The following NUDCD3 variants were observed in gnomAD, a reference collection of about 807,000 sequenced individuals.
NUDCD3 encodes the protein NudC domain containing 3.
In NUDCD3, 13 loss-of-function variants were observed where a neutral mutation model predicts 39.7. The ratio of observed to expected loss-of-function variants is 0.33; its 90% CI spans 0.21 to 0.52. The LOEUF (loss-of-function observed/expected upper bound fraction) is 0.52, where lower values mean the gene tolerates loss of function less well. Ranked by LOEUF, NUDCD3 falls within the 20% of genes least tolerant of loss-of-function variation. NUDCD3 has a pLI of 0.96. For missense variants in NUDCD3, 453 were observed against 458.1 expected, an observed-to-expected ratio of 0.99 and a Z score of 0.10; for synonymous variants, 175 against 172.4, an observed-to-expected ratio of 1.02 and a Z score of -0.12.
Position 44,445,569 on chromosome 7 carries a change from C to T in NUDCD3, c.510-17866G>A, listed in dbSNP as rs757940384. Among the ~76,000 whole-genome samples, 6 of 152,174 alleles carry T rather than the reference C, an allele frequency of 3.9e-5. 1 individual carries two copies. In the South Asian group the frequency reaches 6.2e-4, roughly 16 times the overall value. ...AGGTCTCTGCAGGTTGCTCCACATC[C>T]GCAATGACTGTTTTTGGTCTTTTTC... is the stretch of plus-strand genomic sequence containing the variant. On this transcript the variant is annotated intron_variant, in intron 2 of 5. Coordinates refer to ENST00000355451, the MANE Select transcript of NUDCD3 (RefSeq NM_015332.4).
intron 2 of NUDCD3, among the ~76,000 whole-genome samples, chr7:44,438,293 A>G (rs1247031646): frequency 6.6e-6 from 1 of 152,174 alleles, no homozygotes; most frequent in Admixed American, 6.5e-5. Context: ...GACCAGCTTT[A>G]CTATTTAAAT....
chr7:44,449,241 G>A (rs1799745886), intron 2 of NUDCD3, among the ~76,000 whole-genome samples: 2 of 152,322 alleles, frequency 1.3e-5, no homozygotes, highest in South Asian at 4.1e-4. Flanking sequence ...CGTTGGGGAG[G>A]AAGAGAATCA....
intron 4 of NUDCD3, 44 bp downstream of exon 4, chr7:44,404,396 T>C: frequency 1.3e-6 from 2 of 1,598,674 alleles, no homozygotes; most frequent in Non-Finnish European, 1.7e-6. Context: ...CACTGCAGGT[T>C]TGAAGTCCAC....
chr7:44,407,586 A>C (rs959264674), intron 3 of NUDCD3, among the ~76,000 whole-genome samples: 4 of 151,116 alleles, frequency 2.6e-5, no homozygotes, highest in Non-Finnish European at 5.9e-5. Context: ...AAAAAAAAAA[A>C]CTAGAGAACT....
At chr7:44,428,123 TAA>T (rs55642004) in intron 2 of NUDCD3, among the ~76,000 whole-genome samples, 24 of 76,098 alleles carry the variant, frequency 3.2e-4, no homozygotes, top group Non-Finnish European at 3.8e-4. Flanking sequence ...GGTCAATCTT[TAA>T]AAAAAAAAAA....
chr7:44,412,930 AAAAAAAAAAAAAG>A (rs1370629741), intron 3 of NUDCD3, among the ~76,000 whole-genome samples: 1 of 146,362 alleles, frequency 6.8e-6, no homozygotes, highest in African/African-American at 2.6e-5. Context: ...CCGTCTCAAA[AAAAAAAAAAAAAG>A]AAAAAAAAAA....
Position 44,392,450 on chromosome 7 carries a change from G to T in NUDCD3, c.822C>A (p.Asn274Lys), listed in dbSNP as rs562538702. The T allele has an allele frequency of 1.5e-5, 25 of 1,614,122 alleles. No homozygotes were observed. Among genetic ancestry groups the T allele is most frequent in the South Asian group, 8.8e-5 (8 of 91,074 alleles). The change falls in exon 5 of 6, where the codon AAC becomes AAA. Residue 274 changes from asparagine (N) to lysine (K), a missense_variant. Asn to Lys is a moderately conservative substitution (Grantham distance 94). Transcript: ENST00000355451. Reference sequence around the variant, plus strand: ...TGGGCTCTTCTCCCTCCAGGATGGCGTTCCACCAATACTCGCCCACCTTGC... The same window carrying T: ...TGGGCTCTTCTCCCTCCAGGATGGCTTTCCACCAATACTCGCCCACCTTGC... The part of the protein sequence containing the change: ...NLSKVGEYWW[N>K]AILEGEEPID...
chr7:44,384,416 T>C lies in NUDCD3; in HGVS notation c.*1595A>G, dbSNP rs1585045068. 1 of 152,186 alleles carries C rather than the reference T, an allele frequency of 6.6e-6. No individual in the cohort carries two copies. Among genetic ancestry groups the C allele is most frequent in the South Asian group, 2.1e-4 (1 of 4,818 alleles). 9.4% of individuals were successfully genotyped at this position (152,186 alleles called of 1,614,324 possible). On this transcript the variant is annotated 3_prime_UTR_variant, in exon 6 of 6. Transcript: ENST00000355451. The stretch of plus-strand genomic sequence containing the variant: ...GGCTTCACCAGCTCAGTGGCAAATA[T>C]CAGACAACAAGACTCTCACATTCCA...
chr7:44,394,289 GC>G (rs1798578833), intron 4 of NUDCD3, among the ~76,000 whole-genome samples: 1 of 152,206 alleles, frequency 6.6e-6, no homozygotes, highest in South Asian at 2.1e-4. Context: ...ACGCTGCTCT[GC>G]CAGTGTGCAA....
chr7:44,442,462 G>A (rs938635902), intron 2 of NUDCD3, among the ~76,000 whole-genome samples: 9 of 152,286 alleles, frequency 5.9e-5, no homozygotes, highest in East Asian at 5.8e-4. Context: ...AGCACATGCA[G>A]GAGAGTATGC....
intron 1 of NUDCD3, among the ~76,000 whole-genome samples, chr7:44,485,919 T>G (rs1048944851): frequency 6.6e-6 from 1 of 152,230 alleles, no homozygotes; most frequent in Non-Finnish European, 1.5e-5. Flanking sequence ...CTGGGACCTC[T>G]CTACCAAAAA....
At chr7:44,429,840 G>C (rs1029064225) in intron 2 of NUDCD3, among the ~76,000 whole-genome samples, 6 of 152,154 alleles carry the variant, frequency 3.9e-5, no homozygotes, top group African/African-American at 1.4e-4. Flanking sequence ...ACTAAAGAAT[G>C]CTCAATAGGT....
chr7:44,482,793 C>A (rs889668762), intron 2 of NUDCD3, among the ~76,000 whole-genome samples: 2 of 151,850 alleles, frequency 1.3e-5, no homozygotes, highest in Non-Finnish European at 2.9e-5. Flanking sequence ...TAGAAACAAA[C>A]CAAGAAATCA....
At chr7:44,438,309 A>G (rs1799504274) in intron 2 of NUDCD3, among the ~76,000 whole-genome samples, 1 of 152,206 alleles carries the variant, frequency 6.6e-6, no homozygotes, top group Admixed American at 6.5e-5. Context: ...TAAATTCTCA[A>G]AAGACTTCCC....
chr7:44,400,990 C>G (rs767015087), intron 4 of NUDCD3, among the ~76,000 whole-genome samples: 2 of 152,220 alleles, frequency 1.3e-5, no homozygotes, highest in East Asian at 3.8e-4. Context: ...AGTGCCTGCA[C>G]AGGGTTGGGT....
chr7:44,428,334 G>C (rs557145032), intron 2 of NUDCD3, among the ~76,000 whole-genome samples: 2 of 151,876 alleles, frequency 1.3e-5, no homozygotes, highest in East Asian at 3.9e-4. Flanking sequence ...TACTTGGGAG[G>C]CTTGGGCAGG....
intron 1 of NUDCD3, among the ~76,000 whole-genome samples, chr7:44,489,201 C>T (rs866789899): frequency 6.6e-6 from 1 of 152,242 alleles, no homozygotes; most frequent in African/African-American, 2.4e-5. Flanking sequence ...CACAGAGACA[C>T]TGAAGATCAA....
At chr7:44,489,302 CA>C (rs1800683205) in intron 1 of NUDCD3, among the ~76,000 whole-genome samples, 1 of 152,226 alleles carries the variant, frequency 6.6e-6, no homozygotes, top group Non-Finnish European at 1.5e-5. Context: ...ATGCCACTGA[CA>C]AGGACGAGGA....
chr7:44,406,868 T>C (rs1330508499), intron 3 of NUDCD3, among the ~76,000 whole-genome samples: 1 of 151,944 alleles, frequency 6.6e-6, no homozygotes, highest in African/African-American at 2.4e-5. Context: ...TCCTATAGGG[T>C]AGGAGACATC....
Sources: allele counts gnomAD v4.1 joint callset (sites outside exome capture counted in the v4.1 genomes callset), GRCh38; gene constraint gnomAD v4.1.1; transcripts MANE v1.5; gene names NCBI Gene and HGNC (gene_info 2026-07-23, HGNC 2026-07-21).